The following KANK2 variants were observed in gnomAD, a reference collection of about 807,000 sequenced individuals.
KANK2 encodes KN motif and ankyrin repeat domain-containing protein 2.
Under a neutral mutation model 74.6 loss-of-function variants are expected in KANK2, and 41 were observed. That is an observed-to-expected ratio of 0.55 (90% CI 0.43 to 0.71). The LOEUF is 0.71. Ranked by LOEUF, KANK2 falls within the 30% of genes least tolerant of loss-of-function variation. The probability of loss-of-function intolerance (pLI) is 0.00; values close to 1 mark genes in which losing one functional copy is unlikely to be tolerated. For synonymous variants in KANK2, 537 were observed against 519.0 expected (o/e 1.03, Z -0.47); for missense variants, 1,148 against 1,196.4 (o/e 0.96, Z 0.60).
intron 10 of KANK2, 73 bp downstream of exon 10, chr19:11,172,908 G>A (rs988132136): frequency 2.5e-5 from 39 of 1,534,244 alleles, no homozygotes; most frequent in South Asian, 2.4e-4. Flanking sequence ...CCTGGGTTTG[G>A]GCCTGTCACT....
intron 12 of KANK2, among the ~76,000 whole-genome samples, chr19:11,168,807 A>G (rs1480292788): frequency 1.3e-5 from 2 of 152,146 alleles, no homozygotes; most frequent in Non-Finnish European, 2.9e-5. Context: ...CTCTGTGACT[A>G]ATTTCCTCAC....
rs1312773778 is a variant in KANK2, at chr19:11,192,970, A to C, written c.1110T>G (p.Pro370=). 1 of 1,614,052 alleles carries C rather than the reference A, an allele frequency of 6.2e-7. No homozygotes were observed. Among genetic ancestry groups the C allele is most frequent in the East Asian group, 2.2e-5 (1 of 44,870 alleles). The change falls in exon 4 of 13, where the codon CCT becomes CCG. Residue 370 remains proline (P), a synonymous_variant. Coordinates refer to ENST00000586659, the MANE Select transcript of KANK2 (RefSeq NM_001136191.3). Reference sequence around the variant, plus strand: ...ACACAGGTGGGCTCTCAGGCCTACCAGGCATTGCCAGGGCCCTCAGCCCTG... The same window carrying C: ...ACACAGGTGGGCTCTCAGGCCTACCCGGCATTGCCAGGGCCCTCAGCCCTG... ...YGTGLRALAM[P]GRPESPPVFR... is the part of the protein sequence containing the mutation.
rs2078959326 is a variant in KANK2, at chr19:11,194,488, A to T, written c.24T>A (p.Pro8=). MAQVLHV[P]APFPGTPGPA... ...GAGTCCCCTGACCTGGGAAGGGAGC[A>T]GGCACGTGCAGGACCTGGGCCATCT... Residue 8 remains proline, a synonymous_variant, in exon 3 of 13, where the codon CCT becomes CCA. Coordinates refer to ENST00000586659, the MANE Select transcript of KANK2 (RefSeq NM_001136191.3). 6.2e-7 allele frequency: 1 copy of T among 1,612,286 alleles called. No individual in the cohort carries two copies. Among genetic ancestry groups the T allele is most frequent in the South Asian group, 1.1e-5 (1 of 91,066 alleles).
intron 2 of KANK2, chr19:11,194,926 A>G: frequency 5.8e-6 from 1 of 173,644 alleles, no homozygotes; most frequent in Non-Finnish European, 1.3e-5. Flanking sequence ...CCCTCCCCTC[A>G]GCCCAGGCCC....
At position 11,170,818 on chromosome 19, in the gene KANK2, A is replaced by G. The variant is rs1396651115; in HGVS notation, c.2212-570T>C. Among the ~76,000 whole-genome samples the G allele has an allele frequency of 1.3e-5, 2 of 151,858 alleles. No individual in the cohort carries two copies. Among genetic ancestry groups the G allele is most frequent in the Non-Finnish European group, 2.9e-5 (2 of 67,948 alleles). On this transcript the variant is annotated intron_variant, in intron 10 of 12. Transcript: ENST00000586659. This position sits in a 1 kb window ranked among gnomAD's most constrained non-coding sequence, Gnocchi z 5.2. Reference sequence around the variant, plus strand: ...GTTGCCCAGGCTAATTGTTCCTTTAAAAGGGTTAATTATTTTTTTTTGGAG... The same window carrying G: ...GTTGCCCAGGCTAATTGTTCCTTTAGAAGGGTTAATTATTTTTTTTTGGAG...
intron 9 of KANK2, among the ~76,000 whole-genome samples, chr19:11,173,999 C>T (rs1404544501): frequency 1.3e-5 from 2 of 151,010 alleles, no homozygotes; most frequent in African/African-American, 4.9e-5. Context: ...TGGTGCCCCC[C>T]CCATCAGACT....
intron 9 of KANK2, among the ~76,000 whole-genome samples, chr19:11,174,122 C>T (rs374607043): frequency 6.7e-6 from 1 of 148,410 alleles, no homozygotes; most frequent in Non-Finnish European, 1.5e-5. Context: ...CCACAATGAA[C>T]TGGGAAGGTG....
Position 11,164,985 on chromosome 19 carries a change from G to A in KANK2, c.*1573C>T, listed in dbSNP as rs533530502. On this transcript the variant is annotated 3_prime_UTR_variant, in exon 13 of 13. Transcript: ENST00000586659. ...AGCTCACTGGCCTCGAAAGGGCAGCGCGCGTATTTGGTTTGGAGCGCACTC... is the reference window on the plus strand; with the variant it reads ...AGCTCACTGGCCTCGAAAGGGCAGCACGCGTATTTGGTTTGGAGCGCACTC... 2.1e-4 allele frequency: 32 copies of A among 152,200 alleles called. No individual in the cohort carries two copies. Among genetic ancestry groups the A allele is most frequent in the South Asian group, 2.1e-4 (1 of 4,828 alleles). 9.4% of individuals were successfully genotyped at this position (152,200 alleles called of 1,614,324 possible).
Position 11,193,057 on chromosome 19 carries a change from C to G in KANK2, c.1023G>C (p.Val341=). The G allele has an allele frequency of 6.2e-7, 1 of 1,610,838 alleles. No individual in the cohort carries two copies. Among genetic ancestry groups the G allele is most frequent in the African/African-American group, 1.3e-5 (1 of 74,974 alleles). Reference sequence around the variant, plus strand: ...GGGCGCCAGCGGCTGTGCTGGCCACCACCTCCACCTCCCGTGGCCCTTCTA... The same window carrying G: ...GGGCGCCAGCGGCTGTGCTGGCCACGACCTCCACCTCCCGTGGCCCTTCTA... ...RVVEGPREVE[V]VASTAAGAPA... The change falls in exon 4 of 13, where the codon GTG becomes GTC. Residue 341 remains valine, a synonymous_variant. Coordinates refer to ENST00000586659, the MANE Select transcript of KANK2 (RefSeq NM_001136191.3). This position sits in a 1 kb window ranked among gnomAD's most constrained non-coding sequence, Gnocchi z 9.6.
chr19:11,194,177 C>CTGGAGGG, intron 3 of KANK2, 135 bp from the exon 4 acceptor site: 1 of 951,606 alleles, frequency 1.1e-6, no homozygotes, highest in Non-Finnish European at 1.5e-6. Context: ...CGCGTCTGCT[C>CTGGAGGG]TCAGACCCTC....
At chr19:11,183,481 G>GATTC (rs34028053) in intron 4 of KANK2, among the ~76,000 whole-genome samples, 9 of 152,156 alleles carry the variant, frequency 5.9e-5, no homozygotes, top group East Asian at 1.9e-4. Flanking sequence ...GAAAGGGAAA[G>GATTC]ATTCATTCAT....
chr19:11,166,714 G>A (rs2078032056), intron 12 of KANK2, 103 bp from the exon 13 acceptor site: 2 of 1,107,312 alleles, frequency 1.8e-6, no homozygotes, highest in East Asian at 2.4e-5. Context: ...AAGCAGGAGG[G>A]AGGCGTGGCC....
chr19:11,175,392 C>T (rs938580742), intron 8 of KANK2, among the ~76,000 whole-genome samples: 24 of 132,774 alleles, frequency 1.8e-4, no homozygotes, highest in Middle Eastern at 4.9e-3. Context: ...CGCACCACTG[C>T]ACTCCAGCCT....
chr19:11,191,994 G>A (rs117222623), intron 4 of KANK2, among the ~76,000 whole-genome samples: 1,713 of 152,302 alleles, frequency 0.011, 34 homozygotes, highest in East Asian at 0.068. Context: ...AGGAAGTCAA[G>A]GCTGCAGTGA....
chr19:11,169,760 C>T, intron 12 of KANK2, 117 bp downstream of exon 12: 1 of 831,406 alleles, frequency 1.2e-6, no homozygotes, highest in Non-Finnish European at 1.9e-6. Flanking sequence ...CAGATCGTGC[C>T]ACCGCACTCC....
At position 11,194,852 on chromosome 19, in the gene KANK2, C is replaced by T. The variant is rs973278956; in HGVS notation, c.-79-262G>A. On this transcript the variant is annotated intron_variant, in intron 2 of 12. Transcript: ENST00000586659. ...ACAGGCTCCAGCTGTTCCCATAGCCCAGCCTCCACATAGCCCTGGGGCTGG... is the reference window on the plus strand; with the variant it reads ...ACAGGCTCCAGCTGTTCCCATAGCCTAGCCTCCACATAGCCCTGGGGCTGG... 4 of 228,618 alleles carry T rather than the reference C, an allele frequency of 1.7e-5. No individual in the cohort carries two copies. In the South Asian group the frequency reaches 2.4e-4, roughly 14 times the overall value. 14.2% of individuals were successfully genotyped at this position (228,618 alleles called of 1,614,324 possible).
At chr19:11,180,365 G>T (rs970901440) in intron 4 of KANK2, among the ~76,000 whole-genome samples, 1 of 152,026 alleles carries the variant, frequency 6.6e-6, no homozygotes, top group Non-Finnish European at 1.5e-5. Context: ...GCATAGCTGG[G>T]ATTATAGGCA....
In KANK2 at chr19:11,169,946, C is replaced by T; in HGVS notation, c.2433G>A (p.Met811Ile). Residue 811 changes from methionine to isoleucine, a missense_variant, in exon 12 of 13, where the codon ATG becomes ATA. Transcript: ENST00000586659. ...LTDRDGSTAL[M>I]VALDAGQSEI... ...CACTCTGCCCTGCGTCCAAGGCCAC[C>T]ATCAGAGCTGTGCTCCCATCCTGCA... is the stretch of plus-strand genomic sequence containing the variant. The T allele has an allele frequency of 1.2e-6, 2 of 1,614,208 alleles. No individual in the cohort carries two copies. Among genetic ancestry groups the T allele is most frequent in the Middle Eastern group, 3.3e-4 (2 of 6,062 alleles).
At chr19:11,184,021 T>C (rs2078603822) in intron 4 of KANK2, among the ~76,000 whole-genome samples, 1 of 152,114 alleles carries the variant, frequency 6.6e-6, no homozygotes, top group Non-Finnish European at 1.5e-5. Flanking sequence ...TAAGATTCTT[T>C]TAAAAATTCT....
Sources: gnomAD v4.1 joint callset for allele counts (sites outside exome capture counted in the v4.1 genomes callset) on GRCh38, gnomAD v4.1.1 for gene constraint, Gnocchi (gnomAD v3.1) non-coding constraint, MANE v1.5 for transcripts, NCBI Gene and HGNC (gene_info 2026-07-23, HGNC 2026-07-21) for gene names.